Variants in LRP1B observed in about 807,000 individuals in gnomAD.
The protein encoded by LRP1B is LDL receptor related protein 1B, also known as low-density lipoprotein receptor-related protein 1B.
In LRP1B, 217 loss-of-function variants were observed where a neutral mutation model predicts 556.6. The ratio of observed to expected loss-of-function variants is 0.39; its 90% CI spans 0.35 to 0.44. LRP1B has a LOEUF of 0.44. Among genes scored for constraint, LRP1B ranks in the 20% least tolerant of loss-of-function variants. LRP1B has a pLI of 1.00. For missense variants in LRP1B, 5,053 were observed against 5,620.8 expected, an observed-to-expected ratio of 0.90 and a Z score of 3.23; for synonymous variants, 2,047 against 1,865.8, an observed-to-expected ratio of 1.10 and a Z score of -2.50.
At chr2:141,116,820 A>T (rs577340908) in intron 7 of LRP1B, among the ~76,000 whole-genome samples, 1 of 151,822 alleles carries the variant, frequency 6.6e-6, no homozygotes, top group Non-Finnish European at 1.5e-5. Flanking sequence ...TTTTACTCTT[A>T]TTTCTACGAG....
At chr2:141,123,648 A>C (rs1365852318) in intron 7 of LRP1B, among the ~76,000 whole-genome samples, 1 of 152,280 alleles carries the variant, frequency 6.6e-6, no homozygotes, top group Non-Finnish European at 1.5e-5. Flanking sequence ...CCTAAATAAC[A>C]TAACTTAAAA....
intron 43 of LRP1B, among the ~76,000 whole-genome samples, chr2:140,568,363 C>T (rs1180974597): frequency 6.6e-6 from 1 of 151,530 alleles, no homozygotes; most frequent in Non-Finnish European, 1.5e-5. Flanking sequence ...CTGAGAGTTT[C>T]AACATCAGAC....
intron 2 of LRP1B, among the ~76,000 whole-genome samples, chr2:141,635,201 T>C (rs939409713): frequency 3.9e-5 from 6 of 152,052 alleles, no homozygotes; most frequent in Admixed American, 1.3e-4. Flanking sequence ...GAAAGACAGT[T>C]TTCCCCACTA....
intron 29 of LRP1B, among the ~76,000 whole-genome samples, chr2:140,847,886 A>C (rs1049713030): frequency 3.3e-5 from 5 of 152,104 alleles, no homozygotes; most frequent in African/African-American, 1.2e-4. Flanking sequence ...TTTTGCTCAA[A>C]TTTTGGTTGA....
At chr2:141,278,900 C>G (rs2105383381) in intron 3 of LRP1B, among the ~76,000 whole-genome samples, 1 of 152,258 alleles carries the variant, frequency 6.6e-6, no homozygotes, top group Non-Finnish European at 1.5e-5. Flanking sequence ...TTCAATTACT[C>G]TTAATTGCAC....
intron 2 of LRP1B, among the ~76,000 whole-genome samples, chr2:141,597,487 C>G (rs921620992): frequency 1.3e-4 from 20 of 152,060 alleles, no homozygotes; most frequent in Admixed American, 1.2e-3. Flanking sequence ...TCCTAATGGT[C>G]AACTCATATT....
intron 20 of LRP1B, among the ~76,000 whole-genome samples, chr2:140,946,192 CA>C (rs1416101271): frequency 2.6e-5 from 4 of 151,978 alleles, no homozygotes; most frequent in African/African-American, 9.7e-5. Flanking sequence ...ATTAAAAAGT[CA>C]AAAAATAACA....
intron 18 of LRP1B, among the ~76,000 whole-genome samples, chr2:140,965,786 T>G (rs1696192996): frequency 7.2e-6 from 1 of 138,278 alleles, no homozygotes; most frequent in East Asian, 2.2e-4. Context: ...AATTCCCACC[T>G]GAGTGAGAAC....
At chr2:140,817,408 A>C (rs1012703016) in intron 31 of LRP1B, among the ~76,000 whole-genome samples, 2 of 151,962 alleles carry the variant, frequency 1.3e-5, no homozygotes, top group African/African-American at 2.4e-5. Flanking sequence ...ATTTTTATAA[A>C]AATACAGCTA....
chr2:141,388,308 T>G (rs1226003274), intron 3 of LRP1B, among the ~76,000 whole-genome samples: 4 of 152,096 alleles, frequency 2.6e-5, no homozygotes, highest in South Asian at 4.1e-4. Context: ...TGGTGGTGGG[T>G]GCCTGTAATC....
At chr2:140,779,011 G>C (rs1222668998) in intron 32 of LRP1B, among the ~76,000 whole-genome samples, 2 of 151,500 alleles carry the variant, frequency 1.3e-5, no homozygotes, top group Non-Finnish European at 2.9e-5. Flanking sequence ...AATTTTGTCA[G>C]GTTTAATATC....
chr2:140,355,769 C>T (rs78393563), intron 75 of LRP1B, among the ~76,000 whole-genome samples: 4,284 of 151,952 alleles, frequency 0.028, 75 homozygotes, highest in African/African-American at 0.036. Context: ...ATAGTTAGAA[C>T]ACTGATGTAA....
At chr2:141,144,052 C>G (rs145424791) in intron 7 of LRP1B, among the ~76,000 whole-genome samples, 2,251 of 152,138 alleles carry the variant, frequency 0.015, 23 homozygotes, top group Middle Eastern at 0.044. Context: ...TTATATTGCT[C>G]TCTGCTATCA....
At chr2:140,612,378 TA>T (rs1193673145) in intron 41 of LRP1B, among the ~76,000 whole-genome samples, 1 of 152,184 alleles carries the variant, frequency 6.6e-6, no homozygotes, top group Non-Finnish European at 1.5e-5. Flanking sequence ...TTACTAGCAT[TA>T]ATTTCTACAT....
intron 2 of LRP1B, among the ~76,000 whole-genome samples, chr2:141,578,759 G>A (rs890430951): frequency 1.1e-4 from 17 of 152,184 alleles, no homozygotes; most frequent in African/African-American, 3.6e-4. Flanking sequence ...GAAGTAATAA[G>A]TAAGGAACAT....
intron 1 of LRP1B, among the ~76,000 whole-genome samples, chr2:141,887,140 C>T (rs1385745454): frequency 1.3e-5 from 2 of 151,982 alleles, no homozygotes; most frequent in East Asian, 3.9e-4. Context: ...GGATTACAGG[C>T]ATGTGCCACC....
intron 2 of LRP1B, among the ~76,000 whole-genome samples, chr2:141,581,875 C>T (rs1686967532): frequency 1.3e-5 from 2 of 152,178 alleles, no homozygotes; most frequent in South Asian, 4.1e-4. Flanking sequence ...TATTCCATAG[C>T]AATTGCTGTT....
At chr2:141,743,486 C>CTTTTTTTTTTTTTTTTTTT (rs765968445) in intron 2 of LRP1B, among the ~76,000 whole-genome samples, 1 of 108,032 alleles carries the variant, frequency 9.3e-6, no homozygotes, top group African/African-American at 3.9e-5. Flanking sequence ...CTGCTTTTTT[C>CTTTTTTTTTTTTTTTTTTT]TTTTTTTTTT....
At chr2:141,442,442 A>G (rs1300693311) in intron 3 of LRP1B, among the ~76,000 whole-genome samples, 1 of 90,180 alleles carries the variant, frequency 1.1e-5, no homozygotes, top group African/African-American at 4.4e-5. Context: ...TTTTTTTTTT[A>G]ATTATACTTT....
Sources: allele counts gnomAD v4.1 joint callset (sites outside exome capture counted in the v4.1 genomes callset), GRCh38; gene constraint gnomAD v4.1.1; transcripts MANE v1.5; gene names NCBI Gene and HGNC (gene_info 2026-07-23, HGNC 2026-07-21).